Variants in GRIN2B observed in about 807,000 individuals in gnomAD.
GRIN2B encodes the protein glutamate ionotropic receptor NMDA type subunit 2B, also known as glutamate receptor ionotropic, NMDA 2B.
Under a neutral mutation model 114.5 loss-of-function variants are expected in GRIN2B, and 5 were observed. The ratio of observed to expected loss-of-function variants is 0.04; its 90% CI spans 0.02 to 0.09. The LOEUF (loss-of-function observed/expected upper bound fraction) is 0.09, where lower values mean the gene tolerates loss of function less well. GRIN2B is among the 10% of genes least tolerant of loss of function. The pLI is 1.00. For synonymous variants in GRIN2B, 787 were observed against 745.1 expected (o/e 1.06, Z -0.92); for missense variants, 1,108 against 1,943.5 (o/e 0.57, Z 8.08).
At chr12:13,908,837 G>C (rs868506518) in intron 2 of GRIN2B, among the ~76,000 whole-genome samples, 2 of 152,142 alleles carry the variant, frequency 1.3e-5, no homozygotes, top group African/African-American at 4.8e-5. Flanking sequence ...TATATTCAGT[G>C]ATTGCATGGT....
intron 3 of GRIN2B, among the ~76,000 whole-genome samples, chr12:13,797,614 G>A (rs954077247): frequency 6.6e-6 from 1 of 152,130 alleles, no homozygotes; most frequent in African/African-American, 2.4e-5. Context: ...ATACTGTTTT[G>A]ACTAATGTAA....
intron 3 of GRIN2B, among the ~76,000 whole-genome samples, chr12:13,843,485 C>A (rs1008445112): frequency 1.3e-5 from 2 of 152,094 alleles, no homozygotes; most frequent in Non-Finnish European, 1.5e-5. Context: ...ATTAAATATA[C>A]CTTTTTTTCT....
At chr12:13,967,041 C>G (rs1035538439) in intron 2 of GRIN2B, among the ~76,000 whole-genome samples, 1 of 152,136 alleles carries the variant, frequency 6.6e-6, no homozygotes, top group Admixed American at 6.5e-5. Flanking sequence ...GTAAAAAACC[C>G]AAGATGACAG....
At chr12:13,639,307 T>A (rs1949691425) in intron 5 of GRIN2B, among the ~76,000 whole-genome samples, 1 of 152,020 alleles carries the variant, frequency 6.6e-6, no homozygotes, top group African/African-American at 2.4e-5. Context: ...CTTGGATGGG[T>A]CATAAAAATA....
At chr12:13,640,838 C>A (rs1263679808) in intron 5 of GRIN2B, among the ~76,000 whole-genome samples, 2 of 151,628 alleles carry the variant, frequency 1.3e-5, no homozygotes, top group African/African-American at 2.4e-5. Context: ...CATTACCTAC[C>A]CAAGTAACCA....
At chr12:13,834,718 T>C (rs984124498) in intron 3 of GRIN2B, among the ~76,000 whole-genome samples, 3 of 152,362 alleles carry the variant, frequency 2.0e-5, no homozygotes, top group East Asian at 3.9e-4. Flanking sequence ...TGTCCAAGGA[T>C]TTCAGAGATA....
intron 5 of GRIN2B, among the ~76,000 whole-genome samples, chr12:13,646,636 T>A (rs995905572): frequency 3.3e-5 from 5 of 152,114 alleles, no homozygotes; most frequent in African/African-American, 1.2e-4. Context: ...TTCTTCCTCT[T>A]CCTCTTCTTC....
chr12:13,614,297 A>G (rs1205480827), intron 8 of GRIN2B, among the ~76,000 whole-genome samples: 1 of 152,214 alleles, frequency 6.6e-6, no homozygotes, highest in Non-Finnish European at 1.5e-5. Flanking sequence ...CATTTAAAAA[A>G]TGTTGATGTG....
chr12:13,730,651 C>A (rs1469299734), intron 4 of GRIN2B, among the ~76,000 whole-genome samples: 1 of 152,114 alleles, frequency 6.6e-6, no homozygotes, highest in Admixed American at 6.5e-5. Flanking sequence ...GTTTCTTCCC[C>A]ACCAAATTTT....
At chr12:13,813,322 T>A (rs1864767689) in intron 3 of GRIN2B, among the ~76,000 whole-genome samples, 2 of 151,980 alleles carry the variant, frequency 1.3e-5, no homozygotes, top group African/African-American at 4.8e-5. Context: ...ATGCTAAATA[T>A]CAGAATTATG....
chr12:13,915,493 A>G (rs1866701262), intron 2 of GRIN2B, among the ~76,000 whole-genome samples: 1 of 152,178 alleles, frequency 6.6e-6, no homozygotes, highest in Non-Finnish European at 1.5e-5. Flanking sequence ...GATCTTGCAG[A>G]AGATACAATG....
chr12:13,788,956 T>C (rs577746466), intron 3 of GRIN2B, among the ~76,000 whole-genome samples: 20 of 152,264 alleles, frequency 1.3e-4, no homozygotes, highest in Admixed American at 1.2e-3. Flanking sequence ...CTCCGGCAAA[T>C]GTCGAACTCA....
intron 3 of GRIN2B, among the ~76,000 whole-genome samples, chr12:13,842,296 C>G (rs766868975): frequency 2.6e-5 from 4 of 152,206 alleles, no homozygotes; most frequent in Non-Finnish European, 2.9e-5. Flanking sequence ...GGGTAACCAC[C>G]TACCAGGTGT....
rs931739959 is a variant in GRIN2B at position 13,942,283 on chromosome 12, T to A, written c.-19+37645A>T. Among the ~76,000 whole-genome samples, 10 of 151,792 alleles carry A rather than the reference T, an allele frequency of 6.6e-5. No individual in the cohort carries two copies. In the East Asian group the frequency reaches 1.6e-3, roughly 24 times the overall value. The stretch of plus-strand genomic sequence containing the variant: ...TCTACTCTTTAAGCAAGAACCCCCT[T>A]TTTCTGTTTATTGCCCTGCAACTGT... On this transcript the variant is annotated intron_variant, in intron 2 of 13. Transcript: ENST00000609686.
intron 10 of GRIN2B, among the ~76,000 whole-genome samples, chr12:13,586,783 C>T (rs1224724629): frequency 1.3e-5 from 2 of 152,300 alleles, no homozygotes; most frequent in South Asian, 2.1e-4. Context: ...CTACATTACC[C>T]TCTCTTCCTT....
intron 3 of GRIN2B, among the ~76,000 whole-genome samples, chr12:13,791,132 G>T (rs1416497280): frequency 6.6e-6 from 1 of 152,126 alleles, no homozygotes; most frequent in African/African-American, 2.4e-5. Flanking sequence ...GAGAATTAAG[G>T]AGCTGAAGTA....
In GRIN2B at chr12:13,543,798, CAG is replaced by C. The variant is rs1488156951; in HGVS notation, c.*18983_*18984del. 1 of 152,108 alleles carries C rather than the reference CAG, an allele frequency of 6.6e-6. No homozygotes were observed. The highest frequency in any genetic ancestry group is 1.5e-5 in the Non-Finnish European group (1 of 68,026). The allele number at this position is 152,108 out of a possible 1,614,324, so 9.4% of individuals were successfully genotyped here. On this transcript the variant is annotated 3_prime_UTR_variant, in exon 14 of 14. Transcript: ENST00000609686. ...CTTTCATAGTTTACTAAAAATCAAT[CAG>C]AAAAAGCATACTCCCATTATCCCAT... is the stretch of plus-strand genomic sequence containing the variant.
chr12:13,686,477 T>G (rs1340424671), intron 4 of GRIN2B, among the ~76,000 whole-genome samples: 2 of 152,216 alleles, frequency 1.3e-5, no homozygotes, highest in Admixed American at 6.5e-5. Flanking sequence ...TCCTAGCTCT[T>G]TCTCTCCCTC....
chr12:13,804,886 G>A (rs1055667843), intron 3 of GRIN2B, among the ~76,000 whole-genome samples: 1 of 152,062 alleles, frequency 6.6e-6, no homozygotes, highest in African/African-American at 2.4e-5. Flanking sequence ...TGAGGGCTTG[G>A]GTTAGTGTGC....
Sources: allele counts gnomAD v4.1 joint callset (sites outside exome capture counted in the v4.1 genomes callset), GRCh38; gene constraint gnomAD v4.1.1; transcripts MANE v1.5; gene names NCBI Gene and HGNC (gene_info 2026-07-23, HGNC 2026-07-21).